Variants in KIF21A observed in about 807,000 individuals in gnomAD.
KIF21A encodes the protein kinesin family member 21A.
In KIF21A, 114 loss-of-function variants were observed where a neutral mutation model predicts 202.9. The ratio of observed to expected loss-of-function variants is 0.56; its 90% CI spans 0.48 to 0.66. KIF21A has a LOEUF of 0.66. Ranked by LOEUF, KIF21A falls within the 30% of genes least tolerant of loss-of-function variation. The probability of loss-of-function intolerance (pLI) is 0.00; values close to 1 mark genes in which losing one functional copy is unlikely to be tolerated. For synonymous variants in KIF21A, 667 were observed against 670.8 expected (o/e 0.99, Z 0.09); for missense variants, 1,677 against 1,994.9 (o/e 0.84, Z 3.04).
rs769022716 is a variant in KIF21A at position 39,366,498 on chromosome 12, T to C, written c.755A>G (p.Lys252Arg). The change falls in exon 6 of 38, where the codon AAA (lysine) becomes AGA (arginine). Residue 252 changes from lysine (K) to arginine (R), a missense_variant. Around this residue, in one of 3 missense-constraint regions of KIF21A, gnomAD observed 966 missense variants for 1,180.9 expected, o/e 0.82. Transcript: ENST00000361418. The part of the protein sequence containing the change: ...QIDADNATDN[K>R]IISESAQMNE... ...CATCTGTGCTGATTCAGAAATAATT[T>C]TATTATCAGTTGCATTGTCCTGAAA... 1.2e-6 allele frequency: 2 copies of C among 1,608,142 alleles called. No homozygotes were observed. The highest frequency in any genetic ancestry group is 2.2e-5 in the South Asian group (2 of 90,900).
At position 39,313,214 on chromosome 12, in the gene KIF21A, TC is replaced by T. The variant is rs760494722; in HGVS notation, c.3960-1662del. ...TCAGTGCTCTAAGAAATCACAAAGATCAAAAAAAGGGACAAAACATGTAGAC... is the reference window on the plus strand; with the variant it reads ...TCAGTGCTCTAAGAAATCACAAAGATAAAAAAAGGGACAAAACATGTAGAC... On this transcript the variant is annotated intron_variant, in intron 31 of 37. Coordinates refer to ENST00000361418, the MANE Select transcript of KIF21A (RefSeq NM_001173464.2). 7.0e-4 allele frequency among the ~76,000 whole-genome samples: 106 copies of T among 151,248 alleles called. 2 individuals are homozygous for T. The highest frequency in any genetic ancestry group is 7.7e-4 in the Non-Finnish European group (52 of 67,594).
intron 1 of KIF21A, among the ~76,000 whole-genome samples, chr12:39,407,996 A>G (rs986215553): frequency 1.1e-4 from 17 of 152,184 alleles, no homozygotes; most frequent in African/African-American, 3.4e-4. Flanking sequence ...GTCAAGAGAA[A>G]AAAACAGATA....
chr12:39,326,258 T>C lies in KIF21A; in HGVS notation c.3401+6A>G. 1 of 1,600,486 alleles carries C rather than the reference T, an allele frequency of 6.2e-7. No individual in the cohort carries two copies. The highest frequency in any genetic ancestry group is 8.6e-7 in the Non-Finnish European group (1 of 1,167,906). ...TCAACTCTATTGTTTCTAAAGGCCT[T>C]CTTACCTTCCTTCTGATCCTGGGCT... On this transcript the variant is annotated splice_donor_region_variant and intron_variant, in intron 25 of 37. Coordinates refer to ENST00000361418, the MANE Select transcript of KIF21A (RefSeq NM_001173464.2).
intron 1 of KIF21A, among the ~76,000 whole-genome samples, chr12:39,385,539 T>C (rs534041986): frequency 6.6e-6 from 1 of 152,346 alleles, no homozygotes; most frequent in Non-Finnish European, 1.5e-5. Flanking sequence ...TACTAAGTAA[T>C]TTAAATATCC....
In KIF21A at chr12:39,330,969, A is replaced by G. The variant is rs78967952; in HGVS notation, c.3154-58T>C. On this transcript the variant is annotated intron_variant, in intron 22 of 37. Coordinates refer to ENST00000361418, the MANE Select transcript of KIF21A (RefSeq NM_001173464.2). The stretch of plus-strand genomic sequence containing the variant: ...ACGAAACAGGATCTACCACACAAAG[A>G]TCTGTATCAAACAGCAAATGAATAT... 4,614 of 1,557,034 alleles carry G rather than the reference A, an allele frequency of 3.0e-3. 102 individuals are homozygous for G. The African/African-American group carries it at 0.051, about 17-fold the overall frequency.
chr12:39,386,100 TTC>T, intron 1 of KIF21A, among the ~76,000 whole-genome samples: 1 of 152,326 alleles, frequency 6.6e-6, no homozygotes, highest in East Asian at 1.9e-4. Flanking sequence ...CCAAAATCCA[TTC>T]TCTCTTTTTT....
chr12:39,405,521 T>C (rs975674432), intron 1 of KIF21A, among the ~76,000 whole-genome samples: 1 of 152,124 alleles, frequency 6.6e-6, no homozygotes, highest in Non-Finnish European at 1.5e-5. Context: ...TTATGTAAAA[T>C]TGTTGCCATC....
intron 6 of KIF21A, among the ~76,000 whole-genome samples, chr12:39,365,350 G>A (rs1286641800): frequency 6.6e-6 from 1 of 152,188 alleles, no homozygotes; most frequent in Non-Finnish European, 1.5e-5. Flanking sequence ...AGAATCCCTT[G>A]GGTGGTTACA....
rs1017951046 is a variant in KIF21A, at chr12:39,366,388, C to T, written c.865G>A (p.Glu289Lys). 9.9e-6 allele frequency: 16 copies of T among 1,613,934 alleles called. No homozygotes were observed. Among genetic ancestry groups the T allele is most frequent in the Non-Finnish European group, 1.4e-5 (16 of 1,179,978 alleles). Residue 289 changes from glutamate to lysine, a missense_variant, in exon 6 of 38, where the codon GAG (glutamate) becomes AAG (lysine). Physicochemically the swap from Glu to Lys is moderately conservative, Grantham distance 56 (BLOSUM62 1). Coordinates refer to ENST00000361418, the MANE Select transcript of KIF21A (RefSeq NM_001173464.2). The part of the protein sequence containing the change: ...ERLKRTGATG[E>K]RAKEGISINC... ...ATAGAAATGCCTTCTTTTGCCCTCTCGCCTGTAGCTCCAGTACGCTTCAGT... is the reference window on the plus strand; with the variant it reads ...ATAGAAATGCCTTCTTTTGCCCTCTTGCCTGTAGCTCCAGTACGCTTCAGT...
intron 1 of KIF21A, among the ~76,000 whole-genome samples, chr12:39,431,660 G>C (rs559412007): frequency 2.6e-5 from 4 of 152,190 alleles, no homozygotes; most frequent in South Asian, 2.1e-4. Flanking sequence ...GAATTCAAAG[G>C]CAGCCTGACG....
At chr12:39,400,312 T>A (rs761787182) in intron 1 of KIF21A, among the ~76,000 whole-genome samples, 1 of 152,152 alleles carries the variant, frequency 6.6e-6, no homozygotes, top group Non-Finnish European at 1.5e-5. Context: ...CCGGGGTACA[T>A]GTGCAGGATG....
Position 39,351,766 on chromosome 12 carries a change from T to C in KIF21A, c.1673+11A>G, listed in dbSNP as rs1948400998. On this transcript the variant is annotated intron_variant, in intron 11 of 37. Transcript: ENST00000361418. The stretch of plus-strand genomic sequence containing the variant: ...ATAGAGATTCATTTAGTGGTGATTT[T>C]ATAATCCCACCTTTTTTTCTTCCTC... The C allele has an allele frequency of 6.7e-7, 1 of 1,493,954 alleles. No homozygotes were observed. Among genetic ancestry groups the C allele is most frequent in the South Asian group, 1.1e-5 (1 of 88,132 alleles). The allele number at this position is 1,493,954 out of a possible 1,614,324, so 92.5% of individuals were successfully genotyped here.
chr12:39,305,370 A>G (rs79641086), intron 34 of KIF21A, among the ~76,000 whole-genome samples: 4 of 74,444 alleles, frequency 5.4e-5, no homozygotes, highest in South Asian at 1.3e-3. Flanking sequence ...CGACTCAAGA[A>G]AAAAAAAAAA....
chr12:39,330,874 A>C lies in KIF21A; in HGVS notation c.3191T>G (p.Val1064Gly), dbSNP rs1339343134. The change falls in exon 23 of 38, where the codon GTA (valine) becomes GGA (glycine). Residue 1064 changes from valine to glycine, a missense_variant. Physicochemically the swap from Val to Gly is moderately radical, Grantham distance 109 (BLOSUM62 -3). Coordinates refer to ENST00000361418, the MANE Select transcript of KIF21A (RefSeq NM_001173464.2). Reference sequence around the variant, plus strand: ...TGTTTGTTTGAGTCGACCTTCCAGTACTTTAATTTGAGCCTCTTTCTGGGC... The same window carrying C: ...TGTTTGTTTGAGTCGACCTTCCAGTCCTTTAATTTGAGCCTCTTTCTGGGC... Reference protein sequence around the residue: ...QAAQKEAQIKVLEGRLKQTEI... With the variant: ...QAAQKEAQIKGLEGRLKQTEI... 6.2e-7 allele frequency: 1 copy of C among 1,614,030 alleles called. No individual in the cohort carries two copies. The highest frequency in any genetic ancestry group is 1.7e-5 in the Admixed American group (1 of 60,018).
chr12:39,309,732 C>T lies in KIF21A; in HGVS notation c.4131G>A (p.Gly1377=), dbSNP rs1229140610. 3 of 1,613,236 alleles carry T rather than the reference C, an allele frequency of 1.9e-6. No homozygotes were observed. The highest frequency in any genetic ancestry group is 2.5e-6 in the Non-Finnish European group (3 of 1,179,698). Reference sequence around the variant, plus strand: ...GACCCCCCAGTGACATTATTTCCTGCCCAGTCACCAGATTCCATACTTTAC... The same window carrying T: ...GACCCCCCAGTGACATTATTTCCTGTCCAGTCACCAGATTCCATACTTTAC... ...RTCKVWNLVT[G]QEIMSLGGHP... The change falls in exon 33 of 38, where the codon GGG becomes GGA. Residue 1377 remains glycine, a synonymous_variant. Coordinates refer to ENST00000361418, the MANE Select transcript of KIF21A (RefSeq NM_001173464.2).
chr12:39,399,162 T>G (rs1375854342), intron 1 of KIF21A, among the ~76,000 whole-genome samples: 1 of 152,192 alleles, frequency 6.6e-6, no homozygotes, highest in Non-Finnish European at 1.5e-5. Flanking sequence ...GAGGCTACAG[T>G]GAGCCAAGAT....
rs770437379 is a variant in KIF21A, at chr12:39,294,361, T to G, written c.*63A>C. The G allele has an allele frequency of 7.8e-7, 1 of 1,276,948 alleles. No individual in the cohort carries two copies. The highest frequency in any genetic ancestry group is 1.1e-6 in the Non-Finnish European group (1 of 873,566). 79.1% of individuals were successfully genotyped at this position (1,276,948 alleles called of 1,614,324 possible). A position where few individuals can be genotyped will look rare whatever the true frequency, so the allele number is the denominator to read the frequency against. ...TTTGCCTAGTAAGTACAGGACAACA[T>G]TTTCCATAAAGAATACAGAGTATTA... is the stretch of plus-strand genomic sequence containing the variant. On this transcript the variant is annotated 3_prime_UTR_variant, in exon 38 of 38. Transcript: ENST00000361418.
chr12:39,337,480 T>C (rs1947080558), intron 16 of KIF21A: 1 of 390,710 alleles, frequency 2.6e-6, no homozygotes, highest in Middle Eastern at 7.8e-4. Flanking sequence ...TTACTATCAG[T>C]AGCTGTGTGA....
intron 1 of KIF21A, among the ~76,000 whole-genome samples, chr12:39,399,366 T>G (rs1592550773): frequency 6.6e-6 from 1 of 152,184 alleles, no homozygotes; most frequent in South Asian, 2.1e-4. Context: ...CAGGGGACAA[T>G]GAGGTATGGC....
Sources: allele counts gnomAD v4.1 joint callset (sites outside exome capture counted in the v4.1 genomes callset), GRCh38; gene constraint gnomAD v4.1.1; regional missense constraint gnomAD v4.1.1; transcripts MANE v1.5; gene names NCBI Gene and HGNC (gene_info 2026-07-23, HGNC 2026-07-21).